Variants in SASH1 observed in about 807,000 individuals in gnomAD.
SASH1 encodes the protein SAM and SH3 domain-containing protein 1.
Under a neutral mutation model 125.2 loss-of-function variants are expected in SASH1, and 44 were observed. The ratio of observed to expected loss-of-function variants is 0.35; its 90% CI spans 0.28 to 0.45. The LOEUF (loss-of-function observed/expected upper bound fraction) is 0.45, where lower values mean the gene tolerates loss of function less well. SASH1 is among the 20% of genes least tolerant of loss of function. The pLI, the probability that SASH1 is intolerant of heterozygous loss-of-function variation, is 1.00. For synonymous variants in SASH1, 639 were observed against 649.1 expected, an observed-to-expected ratio of 0.98 and a Z score of 0.24; for missense variants, 1,426 against 1,614.5, an observed-to-expected ratio of 0.88 and a Z score of 2.00.
chr6:148,332,430 T>G (rs112206386), intron 1 of SASH1, among the ~76,000 whole-genome samples: 30 of 152,336 alleles, frequency 2.0e-4, no homozygotes, highest in African/African-American at 6.5e-4. Flanking sequence ...AGATTTAATC[T>G]CTGCTATAAG....
the SASH1 span, among the ~76,000 whole-genome samples, chr6:148,240,907 T>C: frequency 6.6e-6 from 1 of 152,200 alleles, no homozygotes; most frequent in Non-Finnish European, 1.5e-5. Flanking sequence ...GGAAAAGTTA[T>C]CGGCTTCAGA....
chr6:148,543,540 A>G lies in SASH1; in HGVS notation c.2210-140A>G, dbSNP rs184521926. 1.5e-5 allele frequency: 10 copies of G among 655,208 alleles called. No homozygotes were observed. The Admixed American group carries it at 3.1e-4, about 20-fold the overall frequency. 40.6% of individuals were successfully genotyped at this position (655,208 alleles called of 1,614,324 possible). A position where few individuals can be genotyped will look rare whatever the true frequency, so the allele number is the denominator to read the frequency against. ...AACCCTCTATCACCCGATGTCATAA[A>G]TGGTGATTTTATGTTTTTAGTGTAA... is the stretch of plus-strand genomic sequence containing the variant. On this transcript the variant is annotated intron_variant, in intron 17 of 19. Coordinates refer to ENST00000367467, the MANE Select transcript of SASH1 (RefSeq NM_015278.5).
intron 1 of SASH1, among the ~76,000 whole-genome samples, chr6:148,385,422 A>C (rs1252358782): frequency 1.3e-5 from 2 of 152,216 alleles, no homozygotes; most frequent in African/African-American, 4.8e-5. Context: ...TGAAATACAT[A>C]TTTGGTCTTA....
chr6:148,307,029 TTTC>T (rs750131724), intron 1 of SASH1, among the ~76,000 whole-genome samples: 1,804 of 29,150 alleles, frequency 0.062, 17 homozygotes, highest in African/African-American at 0.12. Flanking sequence ...CTTTCTTTTC[TTTC>T]TTTCTTTCTT....
chr6:148,246,350 G>A, the SASH1 span, among the ~76,000 whole-genome samples: 689 of 152,262 alleles, frequency 4.5e-3, 21 homozygotes, highest in Admixed American at 0.042. Flanking sequence ...ACTTCAGCCC[G>A]AAAATTTTAA....
At chr6:148,282,579 A>G (rs916109418) in intron 1 of SASH1, among the ~76,000 whole-genome samples, 2 of 151,820 alleles carry the variant, frequency 1.3e-5, no homozygotes, top group Non-Finnish European at 2.9e-5. Context: ...ACGGGGTTTC[A>G]CTGTGTTGGC....
intron 2 of SASH1, among the ~76,000 whole-genome samples, chr6:148,430,262 G>A (rs1378941321): frequency 6.6e-6 from 1 of 152,214 alleles, no homozygotes; most frequent in Non-Finnish European, 1.5e-5. Context: ...CAGGCTATTT[G>A]GTGAAGGGGG....
In SASH1 at chr6:148,350,007, G is replaced by A. The variant is rs529220885; in HGVS notation, c.156+6784G>A. Among the ~76,000 whole-genome samples the A allele has an allele frequency of 2.1e-4, 32 of 152,000 alleles. No homozygotes were observed. In the South Asian group the frequency reaches 3.1e-3, roughly 15 times the overall value. ...ACTACAGGCGCCTGCCACCACGCCCGGCTAATTTTTTGTATTTTTAGTAGA... is the reference window on the plus strand; with the variant it reads ...ACTACAGGCGCCTGCCACCACGCCCAGCTAATTTTTTGTATTTTTAGTAGA... On this transcript the variant is annotated intron_variant, in intron 1 of 19. Coordinates refer to ENST00000367467, the MANE Select transcript of SASH1 (RefSeq NM_015278.5).
intron 8 of SASH1, chr6:148,514,073 G>A: frequency 2.5e-6 from 3 of 1,213,332 alleles, no homozygotes; most frequent in East Asian, 4.5e-5. Flanking sequence ...GCCCCCACAG[G>A]CCACTTGCCC....
chr6:148,448,116 G>GTA (rs1776893245), intron 4 of SASH1, among the ~76,000 whole-genome samples: 1 of 86,134 alleles, frequency 1.2e-5, no homozygotes, highest in African/African-American at 4.8e-5. Flanking sequence ...AGTGGAGAGA[G>GTA]TGTGTGTGTG....
At chr6:148,349,270 T>C (rs1384495194) in intron 1 of SASH1, among the ~76,000 whole-genome samples, 1 of 133,718 alleles carries the variant, frequency 7.5e-6, no homozygotes, top group African/African-American at 2.8e-5. Context: ...TTTTTTTTTT[T>C]TTTTTTTTTT....
the SASH1 span, among the ~76,000 whole-genome samples, chr6:148,207,774 G>A: frequency 2.0e-5 from 3 of 152,254 alleles, no homozygotes; most frequent in Admixed American, 6.5e-5. Context: ...TAAAACATTT[G>A]TGAGTCAGAG....
At chr6:148,416,400 G>A (rs1398002041) in intron 2 of SASH1, among the ~76,000 whole-genome samples, 3 of 152,144 alleles carry the variant, frequency 2.0e-5, no homozygotes, top group Admixed American at 6.5e-5. Context: ...CAGTGGAAGA[G>A]TAATGAGTTT....
At chr6:148,441,829 A>G (rs1468377777) in intron 4 of SASH1, among the ~76,000 whole-genome samples, 2 of 152,148 alleles carry the variant, frequency 1.3e-5, no homozygotes, top group Admixed American at 6.5e-5. Context: ...CCGTGTTTAT[A>G]TCCTTTACTT....
intron 1 of SASH1, among the ~76,000 whole-genome samples, chr6:148,324,952 T>C (rs919652946): frequency 6.6e-6 from 1 of 152,158 alleles, no homozygotes; most frequent in Non-Finnish European, 1.5e-5. Context: ...TGCTTCTGCT[T>C]CCATCTGTGC....
chr6:148,470,753 C>A (rs138855337), intron 5 of SASH1, among the ~76,000 whole-genome samples: 4 of 152,128 alleles, frequency 2.6e-5, no homozygotes, highest in African/African-American at 9.7e-5. Flanking sequence ...TGCAGTCTTG[C>A]TTGTCTTTGT....
intron 2 of SASH1, among the ~76,000 whole-genome samples, chr6:148,406,263 C>T (rs1043005262): frequency 6.6e-6 from 1 of 152,032 alleles, no homozygotes; most frequent in Admixed American, 6.6e-5. Flanking sequence ...TCAAAGAATA[C>T]CTCTGAAGGA....
Position 148,548,766 on chromosome 6 carries a change from C to T in SASH1, c.*208C>T, listed in dbSNP as rs1782720226. On this transcript the variant is annotated 3_prime_UTR_variant, in exon 20 of 20. Coordinates refer to ENST00000367467, the MANE Select transcript of SASH1 (RefSeq NM_015278.5). ...CGAGGAAATAAATTAGTGCGGTTCTCTTTGACCCCCAAAGACAAGACAAGC... is the reference window on the plus strand; with the variant it reads ...CGAGGAAATAAATTAGTGCGGTTCTTTTTGACCCCCAAAGACAAGACAAGC... 13 of 520,122 alleles carry T rather than the reference C, an allele frequency of 2.5e-5. No individual in the cohort carries two copies. In the South Asian group the frequency reaches 4.9e-4, roughly 19 times the overall value. The allele number at this position is 520,122 out of a possible 1,614,324, so 32.2% of individuals were successfully genotyped here.
At chr6:148,232,209 A>G in the SASH1 span, among the ~76,000 whole-genome samples, 1 of 152,188 alleles carries the variant, frequency 6.6e-6, no homozygotes, top group East Asian at 1.9e-4. Context: ...GTCATTGACT[A>G]AGAGTATGTT....
Sources: gnomAD v4.1 joint callset for allele counts (sites outside exome capture counted in the v4.1 genomes callset) on GRCh38, gnomAD v4.1.1 for gene constraint, MANE v1.5 for transcripts, NCBI Gene and HGNC (gene_info 2026-07-23, HGNC 2026-07-21) for gene names.